The following SH3RF1 variants were observed in gnomAD, a reference collection of about 807,000 sequenced individuals.
SH3RF1 encodes the protein E3 ubiquitin-protein ligase SH3RF1.
SH3RF1 carries 32 observed loss-of-function variants against 74.0 expected under a neutral mutation model. The ratio of observed to expected loss-of-function variants is 0.43; its 90% CI spans 0.33 to 0.58. The LOEUF (loss-of-function observed/expected upper bound fraction) is 0.58. Among genes scored for constraint, SH3RF1 ranks in the 20% least tolerant of loss-of-function variants. SH3RF1 has a pLI of 0.05. For synonymous variants in SH3RF1, 396 were observed against 439.6 expected (o/e 0.90, Z 1.24); for missense variants, 954 against 1,130.9 (o/e 0.84, Z 2.24).
chr4:169,198,791 A>T (rs764343063), intron 2 of SH3RF1, among the ~76,000 whole-genome samples: 4 of 152,190 alleles, frequency 2.6e-5, no homozygotes, highest in Admixed American at 6.5e-5. Context: ...AAGAAATAAC[A>T]ATTAGGCTGA....
chr4:169,190,002 A>T (rs1734672523), intron 2 of SH3RF1, among the ~76,000 whole-genome samples: 1 of 152,218 alleles, frequency 6.6e-6, no homozygotes, highest in Non-Finnish European at 1.5e-5. Flanking sequence ...ATCAAGATGA[A>T]AATTTAAAAA....
At chr4:169,261,923 G>A (rs961863510) in intron 2 of SH3RF1, among the ~76,000 whole-genome samples, 1 of 151,812 alleles carries the variant, frequency 6.6e-6, no homozygotes, top group Non-Finnish European at 1.5e-5. Context: ...AATACTATGA[G>A]TATTTTTCTT....
At chr4:169,122,045 T>A in intron 7 of SH3RF1, 55 bp downstream of exon 7, 1 of 1,593,894 alleles carries the variant, frequency 6.3e-7, no homozygotes, top group Non-Finnish European at 8.6e-7. Flanking sequence ...ACCTCTGAGG[T>A]TTGGACTTCG....
At chr4:169,146,713 T>C (rs889945233) in intron 4 of SH3RF1, among the ~76,000 whole-genome samples, 1 of 152,076 alleles carries the variant, frequency 6.6e-6, no homozygotes, top group African/African-American at 2.4e-5. Flanking sequence ...TAAGCGATTC[T>C]CTTGAGAAGT....
chr4:169,249,516 C>A (rs1731062491), intron 2 of SH3RF1, among the ~76,000 whole-genome samples: 1 of 152,206 alleles, frequency 6.6e-6, no homozygotes, highest in Admixed American at 6.5e-5. Flanking sequence ...ATTTCCCAGT[C>A]TCTAGTTACA....
intron 2 of SH3RF1, among the ~76,000 whole-genome samples, chr4:169,182,525 A>T (rs958136365): frequency 6.6e-6 from 1 of 152,242 alleles, no homozygotes; most frequent in Non-Finnish European, 1.5e-5. Context: ...AAGGTAACAT[A>T]AACCAACTTC....
At chr4:169,266,079 A>G (rs1440451364) in intron 2 of SH3RF1, among the ~76,000 whole-genome samples, 1 of 152,190 alleles carries the variant, frequency 6.6e-6, no homozygotes, top group Non-Finnish European at 1.5e-5. Flanking sequence ...GAGGTAAAAA[A>G]CTGATGGATT....
At chr4:169,198,111 C>T (rs7692409) in intron 2 of SH3RF1, among the ~76,000 whole-genome samples, 338 of 152,318 alleles carry the variant, frequency 2.2e-3, no homozygotes, top group Non-Finnish European at 4.0e-3. Context: ...GGCTTTCTGG[C>T]AATATTTGTG....
At chr4:169,244,509 G>A (rs552535503) in intron 2 of SH3RF1, among the ~76,000 whole-genome samples, 29 of 151,696 alleles carry the variant, frequency 1.9e-4, no homozygotes, top group Non-Finnish European at 3.1e-4. Context: ...ACACTACACC[G>A]TCAATGGCAG....
At chr4:169,183,567 C>T (rs562650981) in intron 2 of SH3RF1, among the ~76,000 whole-genome samples, 133 of 152,192 alleles carry the variant, frequency 8.7e-4, no homozygotes, top group African/African-American at 3.0e-3. Flanking sequence ...AGACGTGAGC[C>T]ACCATGCCCA....
intron 2 of SH3RF1, among the ~76,000 whole-genome samples, chr4:169,229,976 CG>C (rs1190834132): frequency 6.8e-6 from 1 of 146,428 alleles, no homozygotes; most frequent in African/African-American, 2.6e-5. Flanking sequence ...GAGGTGGAGA[CG>C]GGTGGATCAC....
At chr4:169,156,361 AG>A (rs1734052676) in intron 3 of SH3RF1, 42 bp downstream of exon 3, 5 of 1,518,108 alleles carry the variant, frequency 3.3e-6, no homozygotes, top group Non-Finnish European at 4.4e-6. Flanking sequence ...CTGGGTACAG[AG>A]GTAGAGCTGG....
intron 2 of SH3RF1, among the ~76,000 whole-genome samples, chr4:169,221,691 A>G (rs1730566446): frequency 6.6e-6 from 1 of 152,224 alleles, no homozygotes; most frequent in Non-Finnish European, 1.5e-5. Flanking sequence ...TTTATGTCTG[A>G]TAATAAAAAA....
intron 4 of SH3RF1, among the ~76,000 whole-genome samples, chr4:169,149,666 C>A (rs1277638408): frequency 2.6e-5 from 4 of 152,288 alleles, no homozygotes; most frequent in Non-Finnish European, 4.4e-5. Context: ...CTCTTCCCAA[C>A]TTACCCACAA....
intron 2 of SH3RF1, among the ~76,000 whole-genome samples, chr4:169,245,445 A>G (rs1381970224): frequency 6.6e-6 from 1 of 152,214 alleles, no homozygotes; most frequent in Non-Finnish European, 1.5e-5. Flanking sequence ...ATCTAAATTT[A>G]TCTATATAGT....
chr4:169,263,274 C>G (rs1731308150), intron 2 of SH3RF1, among the ~76,000 whole-genome samples: 2 of 152,170 alleles, frequency 1.3e-5, no homozygotes, highest in Non-Finnish European at 2.9e-5. Context: ...AAAAAAGAAC[C>G]CCATCATAGA....
At chr4:169,110,040 A>AAAAG (rs1491562137) in intron 10 of SH3RF1, among the ~76,000 whole-genome samples, 1 of 142,652 alleles carries the variant, frequency 7.0e-6, no homozygotes, top group Non-Finnish European at 1.5e-5. Flanking sequence ...AAAAAAAAAA[A>AAAAG]CCACCTGGGA....
intron 2 of SH3RF1, among the ~76,000 whole-genome samples, chr4:169,157,495 AT>A (rs1413508460): frequency 4.6e-5 from 7 of 152,226 alleles, no homozygotes; most frequent in Non-Finnish European, 7.3e-5. Context: ...CCCCAGTGCA[AT>A]TTAATCATCA....
chr4:169,257,932 G>A (rs1396203588), intron 2 of SH3RF1, among the ~76,000 whole-genome samples: 1 of 152,136 alleles, frequency 6.6e-6, no homozygotes, highest in Non-Finnish European at 1.5e-5. Context: ...GCTTCTAAGG[G>A]AACATTAAAG....
Sources: gnomAD v4.1 joint callset for allele counts (sites outside exome capture counted in the v4.1 genomes callset) on GRCh38, gnomAD v4.1.1 for gene constraint, MANE v1.5 for transcripts, NCBI Gene and HGNC (gene_info 2026-07-23, HGNC 2026-07-21) for gene names.